HLA-DMB: variants seen among roughly 807,000 people sequenced by gnomAD.
HLA-DMB encodes the protein HLA class II histocompatibility antigen, DM beta chain.
In HLA-DMB, 18 loss-of-function variants were observed where a neutral mutation model predicts 29.3. The ratio of observed to expected loss-of-function variants is 0.62; its 90% CI spans 0.43 to 0.91. HLA-DMB has a LOEUF of 0.91. Among genes scored for constraint, HLA-DMB ranks in the 40% least tolerant of loss-of-function variants. HLA-DMB has a pLI of 0.00. For synonymous variants in HLA-DMB, 143 were observed against 128.7 expected (o/e 1.11, Z -0.75); for missense variants, 258 against 320.9 (o/e 0.80, Z 1.50).
rs114408602 is a variant in HLA-DMB, at chr6:32,935,037, C to T, written c.776-50G>A. ...AATGAGGCTTCAACCCAACTTGCCC[C>T]CATCGTTTGTCACTGTAACCATCCC... On this transcript the variant is annotated intron_variant, in intron 5 of 5. Coordinates refer to ENST00000418107, the MANE Select transcript of HLA-DMB (RefSeq NM_002118.5). 3.8e-4 allele frequency: 605 copies of T among 1,607,894 alleles called. 4 individuals are homozygous for T. In the African/African-American group the frequency reaches 6.0e-3, roughly 16 times the overall value.
chr6:32,935,279 G>T, intron 5 of HLA-DMB, 63 bp downstream of exon 5: 1 of 1,309,782 alleles, frequency 7.6e-7, no homozygotes, highest in Non-Finnish European at 1.1e-6. Flanking sequence ...ACCCAACACT[G>T]ACCCCTCTAA....
At chr6:32,936,274 C>T (rs75301392) in intron 3 of HLA-DMB, 8,448 of 152,680 alleles carry the variant, frequency 0.055, 289 homozygotes, top group Non-Finnish European at 0.079. Flanking sequence ...TAAAGGGAGG[C>T]TCTTGTGCAC....
In HLA-DMB at chr6:32,939,680, T is replaced by C. The variant is rs868185999; in HGVS notation, c.56-715A>G. ...TGAGATGATGATCTGATCTGATCAC[T>C]GTACATTACATGTACTAAAACATCA... is the stretch of plus-strand genomic sequence containing the variant. On this transcript the variant is annotated intron_variant, in intron 1 of 5. Transcript: ENST00000418107. Among the ~76,000 whole-genome samples, 3 of 152,360 alleles carry C rather than the reference T, an allele frequency of 2.0e-5. No homozygotes were observed. In the South Asian group the frequency reaches 6.2e-4, roughly 32 times the overall value.
Position 32,935,079 on chromosome 6 carries a change from A to C in HLA-DMB, c.776-92T>G. On this transcript the variant is annotated intron_variant, in intron 5 of 5. Transcript: ENST00000418107. ...AACCATCCCATGCCTTAATACAGTG[A>C]TACTGAAAACTCCAGGGCACCAACA... is the stretch of plus-strand genomic sequence containing the variant. 4 of 1,465,346 alleles carry C rather than the reference A, an allele frequency of 2.7e-6. No homozygotes were observed. The South Asian group carries it at 4.7e-5, about 17-fold the overall frequency. The allele number at this position is 1,465,346 out of a possible 1,614,324, so 90.8% of individuals were successfully genotyped here. A position where few individuals can be genotyped will look rare whatever the true frequency, so the allele number is the denominator to read the frequency against.
At chr6:32,938,219 G>A (rs976054110) in intron 2 of HLA-DMB, 1 of 157,428 alleles carries the variant, frequency 6.4e-6, no homozygotes, top group African/African-American at 2.4e-5. Context: ...AACCACCCTT[G>A]AGACACACTG....
Position 32,938,830 on chromosome 6 carries a change from C to T in HLA-DMB, c.191G>A (p.Cys64Tyr). The change falls in exon 2 of 6, where the codon TGC becomes TAC. Residue 64 changes from cysteine to tyrosine, a missense_variant. Cys to Tyr is a radical substitution (Grantham distance 194). Coordinates refer to ENST00000418107, the MANE Select transcript of HLA-DMB (RefSeq NM_002118.5). ...WDPEENKMAP[C>Y]EFGVLNSLAN... is the part of the protein sequence containing the mutation. ...CAAGCTATTCAGCACCCCAAATTCG[C>T]AAGGGGCCATCTTATTCTCCTCTGG... is the stretch of plus-strand genomic sequence containing the variant. 2 of 1,612,254 alleles carry T rather than the reference C, an allele frequency of 1.2e-6. No individual in the cohort carries two copies. Among genetic ancestry groups the T allele is most frequent in the Non-Finnish European group, 1.7e-6 (2 of 1,179,698 alleles).
In HLA-DMB at chr6:32,937,493, T is replaced by G; in HGVS notation, c.338-37A>C. 6.4e-7 allele frequency: 1 copy of G among 1,571,678 alleles called. No individual in the cohort carries two copies. The highest frequency in any genetic ancestry group is 8.7e-7 in the Non-Finnish European group (1 of 1,150,714). On this transcript the variant is annotated intron_variant, in intron 2 of 5. Transcript: ENST00000418107. This position sits in a 1 kb window ranked among gnomAD's most constrained non-coding sequence, Gnocchi z 4.1. Reference sequence around the variant, plus strand: ...AAAAAAACATGTTTAGGAAGGAGGGTGACATTCTGGCTGCTTCCTCAACCT... The same window carrying G: ...AAAAAAACATGTTTAGGAAGGAGGGGGACATTCTGGCTGCTTCCTCAACCT...
intron 3 of HLA-DMB, 128 bp from the exon 4 acceptor site, chr6:32,935,780 C>A: frequency 1.6e-6 from 1 of 639,488 alleles, no homozygotes. Context: ...TAGCTCACAC[C>A]ACCCACTCCC....
chr6:32,934,925 T>C lies in HLA-DMB; in HGVS notation c.*46A>G, dbSNP rs771722707. On this transcript the variant is annotated 3_prime_UTR_variant, in exon 6 of 6. Transcript: ENST00000418107. ...GGAGAGGCATGGTAGCATCATTGAG[T>C]TTGAATCTCCTTCTCACTTGGAGTG... 8 of 1,589,100 alleles carry C rather than the reference T, an allele frequency of 5.0e-6. No individual in the cohort carries two copies. The highest frequency in any genetic ancestry group is 6.9e-6 in the Non-Finnish European group (8 of 1,158,454).
chr6:32,935,162 G>C, intron 5 of HLA-DMB, 175 bp from the exon 6 acceptor site: 1 of 839,502 alleles, frequency 1.2e-6, no homozygotes. Flanking sequence ...CTTGGTAGAA[G>C]AGGAGGATGC....
intron 2 of HLA-DMB, 33 bp downstream of exon 2, chr6:32,938,651 C>T: frequency 6.9e-7 from 1 of 1,439,368 alleles, no homozygotes; most frequent in South Asian, 1.5e-5. Context: ...AACTGCACTT[C>T]CTGGTAGCCC....
intron 5 of HLA-DMB, 114 bp downstream of exon 5, chr6:32,935,228 C>A: frequency 1.1e-6 from 1 of 946,780 alleles, no homozygotes; most frequent in East Asian, 2.4e-5. Flanking sequence ...TTGCCTAGAT[C>A]CTCATGGAAG....
Position 32,937,340 on chromosome 6 carries a change from T to G in HLA-DMB, c.454A>C (p.Asn152His). The part of the protein sequence containing the change: ...PAEVTITWRK[N>H]GKLVMPHSSA... The stretch of plus-strand genomic sequence containing the variant: ...CTGTGAGGCATGACAAGCTTCCCGT[T>G]CTTCCTCCACGTGATAGTCACTTCT... The change falls in exon 3 of 6, where the codon AAC becomes CAC. Residue 152 changes from asparagine to histidine, a missense_variant. By Grantham distance (68) the Asn-to-His change is moderately conservative (BLOSUM62 1). Coordinates refer to ENST00000418107, the MANE Select transcript of HLA-DMB (RefSeq NM_002118.5). This position sits in a 1 kb window ranked among gnomAD's most constrained non-coding sequence, Gnocchi z 4.1. 6.2e-7 allele frequency: 1 copy of G among 1,614,204 alleles called. No individual in the cohort carries two copies. Among genetic ancestry groups the G allele is most frequent in the Non-Finnish European group, 8.5e-7 (1 of 1,180,036 alleles).
chr6:32,938,507 A>G, intron 2 of HLA-DMB, 177 bp downstream of exon 2: 1 of 567,328 alleles, frequency 1.8e-6, no homozygotes, highest in Non-Finnish European at 2.8e-6. Context: ...TGTTCCACTC[A>G]CGTCAGCCAC....
At chr6:32,935,944 A>C in intron 3 of HLA-DMB, 3 of 458,212 alleles carry the variant, frequency 6.5e-6, no homozygotes, top group Admixed American at 3.8e-5. Flanking sequence ...TCCTTCCTTT[A>C]CCCCAAAGCC....
intron 2 of HLA-DMB, chr6:32,938,400 G>GAAC: frequency 2.7e-6 from 1 of 372,942 alleles, no homozygotes; most frequent in Non-Finnish European, 4.8e-6. Flanking sequence ...AACAAGGCAA[G>GAAC]AACATCTTGG....
intron 3 of HLA-DMB, chr6:32,936,941 T>A: frequency 2.5e-4 from 92 of 371,810 alleles, no homozygotes; most frequent in Middle Eastern, 4.5e-4. Flanking sequence ...GCAAAAGTAA[T>A]TGCGGTTTTT....
At chr6:32,935,441 A>G (rs1775947089) in intron 4 of HLA-DMB, 64 bp from the exon 5 acceptor site, 4 of 1,511,286 alleles carry the variant, frequency 2.6e-6, no homozygotes, top group African/African-American at 1.4e-5. Context: ...CAGTATTCAT[A>G]GCAAATGCAG....
chr6:32,940,766 G>T lies in HLA-DMB; in HGVS notation c.42C>A (p.Gly14=), dbSNP rs767501889. Residue 14 remains glycine (G), a synonymous_variant, in exon 1 of 6, where the codon GGC becomes GGA. Coordinates refer to ENST00000418107, the MANE Select transcript of HLA-DMB (RefSeq NM_002118.5). Reference sequence around the variant, plus strand: ...AAGTGTCCTTACCTGCTCCTGTGCAGCCCAGGCTGAGCCCCAGCAGCAGCG... The same window carrying T: ...AAGTGTCCTTACCTGCTCCTGTGCATCCCAGGCTGAGCCCCAGCAGCAGCG... ...FLPLLLGLSL[G]CTGAGGFVAH... 1.9e-6 allele frequency: 3 copies of T among 1,606,004 alleles called. No individual in the cohort carries two copies. Among genetic ancestry groups the T allele is most frequent in the Non-Finnish European group, 2.5e-6 (3 of 1,176,854 alleles).
Sources: allele counts gnomAD v4.1 joint callset (sites outside exome capture counted in the v4.1 genomes callset), GRCh38; gene constraint gnomAD v4.1.1; non-coding constraint Gnocchi (gnomAD v3.1); transcripts MANE v1.5; gene names NCBI Gene and HGNC (gene_info 2026-07-23, HGNC 2026-07-21).